The following GNA14 variants were observed in gnomAD, a reference collection of about 807,000 sequenced individuals.
GNA14 encodes G protein subunit alpha 14.
Under a neutral mutation model 42.0 loss-of-function variants are expected in GNA14, and 50 were observed. The observed-to-expected ratio is 1.19, with a 90% CI of 0.95 to 1.51. GNA14 has a LOEUF of 1.51. Ranked by LOEUF, GNA14 falls within the 40% of genes most tolerant of loss-of-function variation. GNA14 has a pLI of 0.00. For missense variants in GNA14, 473 were observed against 446.2 expected, an observed-to-expected ratio of 1.06 and a Z score of -0.54; for synonymous variants, 173 against 163.1, an observed-to-expected ratio of 1.06 and a Z score of -0.46.
chr9:77,591,600 G>A (rs1036505517), intron 1 of GNA14, among the ~76,000 whole-genome samples: 1 of 152,172 alleles, frequency 6.6e-6, no homozygotes, highest in Non-Finnish European at 1.5e-5. Context: ...TTGTTAGGGT[G>A]AGAAGCATAG....
intron 2 of GNA14, among the ~76,000 whole-genome samples, chr9:77,456,778 A>G (rs1836007080): frequency 1.3e-5 from 2 of 150,076 alleles, no homozygotes; most frequent in African/African-American, 4.9e-5. Context: ...TACAATAAAT[A>G]TAATATAGTT....
chr9:77,644,979 C>T (rs1203566236), intron 1 of GNA14, among the ~76,000 whole-genome samples: 1 of 152,200 alleles, frequency 6.6e-6, no homozygotes, highest in African/African-American at 2.4e-5. Context: ...CCTTTATTTT[C>T]TCCATCTCTT....
chr9:77,572,202 T>G (rs1244860487), intron 1 of GNA14, among the ~76,000 whole-genome samples: 4 of 152,100 alleles, frequency 2.6e-5, no homozygotes, highest in Non-Finnish European at 5.9e-5. Context: ...TATAAGGAAC[T>G]AAAAGAAGGG....
At chr9:77,487,928 T>C (rs758168238) in intron 2 of GNA14, among the ~76,000 whole-genome samples, 3 of 152,130 alleles carry the variant, frequency 2.0e-5, no homozygotes, top group African/African-American at 7.2e-5. Flanking sequence ...ACATACCACG[T>C]TGGGCACTGG....
chr9:77,606,290 C>A (rs1564065030), intron 1 of GNA14, among the ~76,000 whole-genome samples: 1 of 152,098 alleles, frequency 6.6e-6, no homozygotes. Context: ...GGAAAAGAAG[C>A]CTCATTCTTA....
At chr9:77,437,328 T>C (rs2131694350) in intron 2 of GNA14, among the ~76,000 whole-genome samples, 1 of 152,306 alleles carries the variant, frequency 6.6e-6, no homozygotes, top group Middle Eastern at 3.4e-3. Flanking sequence ...GCGGATCAAC[T>C]GAGGCCAGGA....
rs181962780 is a variant in GNA14 at position 77,553,888 on chromosome 9, G to A, written c.125-24635C>T. On this transcript the variant is annotated intron_variant, in intron 1 of 6. Transcript: ENST00000341700. The stretch of plus-strand genomic sequence containing the variant: ...CAAAAATGAGAAAAAAAATAAATGC[G>A]TAGTGATAGGAGACCAATTAGTTAT... Among the ~76,000 whole-genome samples the A allele has an allele frequency of 7.9e-5, 12 of 152,270 alleles. No homozygotes were observed. In the East Asian group the frequency reaches 2.1e-3, roughly 27 times the overall value.
intron 1 of GNA14, among the ~76,000 whole-genome samples, chr9:77,572,750 G>GTC (rs1361717111): frequency 6.6e-6 from 1 of 152,174 alleles, no homozygotes. Flanking sequence ...AAAACTTGGT[G>GTC]TCTGTGTGCC....
chr9:77,564,255 T>C (rs911901825), intron 1 of GNA14, among the ~76,000 whole-genome samples: 1 of 151,260 alleles, frequency 6.6e-6, no homozygotes, highest in African/African-American at 2.4e-5. Context: ...TCCAGAGATT[T>C]TGATTCAATT....
At chr9:77,573,557 G>A (rs1823090614) in intron 1 of GNA14, among the ~76,000 whole-genome samples, 1 of 152,166 alleles carries the variant, frequency 6.6e-6, no homozygotes, top group African/African-American at 2.4e-5. Context: ...GAGATAAGCT[G>A]GCTAATTTTC....
chr9:77,468,239 G>A (rs948456090), intron 2 of GNA14, among the ~76,000 whole-genome samples: 1 of 152,152 alleles, frequency 6.6e-6, no homozygotes, highest in Non-Finnish European at 1.5e-5. Flanking sequence ...GCTCTTACTG[G>A]CATATAGTAG....
At chr9:77,509,101 A>G (rs1288499816) in intron 2 of GNA14, among the ~76,000 whole-genome samples, 1 of 152,070 alleles carries the variant, frequency 6.6e-6, no homozygotes, top group Admixed American at 6.6e-5. Flanking sequence ...AGAACTCCCC[A>G]TTGGCCCCTC....
At chr9:77,618,565 T>C (rs1823858776) in intron 1 of GNA14, among the ~76,000 whole-genome samples, 1 of 134,684 alleles carries the variant, frequency 7.4e-6, no homozygotes, top group Non-Finnish European at 1.6e-5. Flanking sequence ...GATTATATGC[T>C]GGATGATTAC....
chr9:77,493,003 G>GAAAAA (rs56355394), intron 2 of GNA14, among the ~76,000 whole-genome samples: 1 of 39,840 alleles, frequency 2.5e-5, no homozygotes. Flanking sequence ...TCCGTCTCAG[G>GAAAAA]AAAAAAAAAA....
At chr9:77,613,394 G>C (rs997375919) in intron 1 of GNA14, among the ~76,000 whole-genome samples, 8 of 152,146 alleles carry the variant, frequency 5.3e-5, no homozygotes, top group Non-Finnish European at 1.2e-4. Flanking sequence ...TAGGACAATG[G>C]GGAAATAAAG....
chr9:77,628,349 G>A (rs971970080), intron 1 of GNA14, among the ~76,000 whole-genome samples: 5 of 152,134 alleles, frequency 3.3e-5, no homozygotes, highest in Non-Finnish European at 5.9e-5. Flanking sequence ...TCCCCATCAA[G>A]CTACCATTGA....
intron 1 of GNA14, among the ~76,000 whole-genome samples, chr9:77,541,113 T>C (rs1042015768): frequency 1.3e-5 from 2 of 152,178 alleles, no homozygotes; most frequent in Non-Finnish European, 2.9e-5. Flanking sequence ...GTGTGTTTGG[T>C]TAACCAATGG....
At position 77,591,407 on chromosome 9, in the gene GNA14, T is replaced by C. The variant is rs374718548; in HGVS notation, c.124+56263A>G. The stretch of plus-strand genomic sequence containing the variant: ...AAAAGAATAGATTTTTCTCTCATTC[T>C]CTCTCCCTCTTTTAAATCTGGGCAC... On this transcript the variant is annotated intron_variant, in intron 1 of 6. Transcript: ENST00000341700. Among the ~76,000 whole-genome samples, 3 of 152,184 alleles carry C rather than the reference T, an allele frequency of 2.0e-5. No individual in the cohort carries two copies. The South Asian group carries it at 6.2e-4, about 32-fold the overall frequency.
chr9:77,639,584 C>T (rs966999903), intron 1 of GNA14, among the ~76,000 whole-genome samples: 2 of 152,220 alleles, frequency 1.3e-5, no homozygotes, highest in African/African-American at 4.8e-5. Context: ...AAGATGGTCA[C>T]AGGTGATTTG....
Sources: gnomAD v4.1 joint callset for allele counts (sites outside exome capture counted in the v4.1 genomes callset) on GRCh38, gnomAD v4.1.1 for gene constraint, MANE v1.5 for transcripts, NCBI Gene and HGNC (gene_info 2026-07-23, HGNC 2026-07-21) for gene names.